The following COL26A1 variants were observed in gnomAD, a reference collection of about 807,000 sequenced individuals.
COL26A1 encodes collagen alpha-1(XXVI) chain.
A neutral mutation model predicts 59.3 loss-of-function variants in COL26A1; 41 were observed. That is an observed-to-expected ratio of 0.69 (90% CI 0.54 to 0.90). The LOEUF (loss-of-function observed/expected upper bound fraction) is 0.90, where lower values mean the gene tolerates loss of function less well. Ranked by LOEUF, COL26A1 falls within the 40% of genes least tolerant of loss-of-function variation. COL26A1 has a pLI of 0.00. For synonymous variants in COL26A1, 266 were observed against 256.0 expected, an observed-to-expected ratio of 1.04 and a Z score of -0.37; for missense variants, 612 against 602.3, an observed-to-expected ratio of 1.02 and a Z score of -0.17.
chr7:101,421,611 A>G (rs1373436541), intron 2 of COL26A1, among the ~76,000 whole-genome samples: 2 of 151,448 alleles, frequency 1.3e-5, no homozygotes, highest in Admixed American at 6.6e-5. Context: ...GGAGGTGGAG[A>G]TTGCAGTAAA....
intron 3 of COL26A1, among the ~76,000 whole-genome samples, chr7:101,449,702 T>TAC (rs1489410484): frequency 3.3e-5 from 5 of 152,208 alleles, no homozygotes; most frequent in South Asian, 2.1e-4. Flanking sequence ...TATGTGTGTA[T>TAC]ACACACACAC....
chr7:101,431,990 G>A (rs113211196), intron 2 of COL26A1, among the ~76,000 whole-genome samples: 17,938 of 141,028 alleles, frequency 0.13, 2,232 homozygotes, highest in African/African-American at 0.33. Context: ...TTTTGGAGAC[G>A]AAGTTTTGCT....
At chr7:101,489,677 C>CTT (rs1563007443) in intron 3 of COL26A1, among the ~76,000 whole-genome samples, 1 of 41,748 alleles carries the variant, frequency 2.4e-5, no homozygotes, top group African/African-American at 3.1e-4. Flanking sequence ...TCCTTCCTTC[C>CTT]TTCCTTTCTT....
At chr7:101,368,886 A>G (rs1297129715) in intron 1 of COL26A1, among the ~76,000 whole-genome samples, 4 of 129,926 alleles carry the variant, frequency 3.1e-5, no homozygotes, top group Non-Finnish European at 4.7e-5. Context: ...ATTTGTAGGT[A>G]GAAAAAACTC....
chr7:101,440,666 G>A (rs1400488028), intron 2 of COL26A1, among the ~76,000 whole-genome samples: 1 of 152,068 alleles, frequency 6.6e-6, no homozygotes, highest in African/African-American at 2.4e-5. Flanking sequence ...TTCAGAATGA[G>A]GGGCCAAGAA....
chr7:101,482,603 G>A (rs1794180737), intron 3 of COL26A1, among the ~76,000 whole-genome samples: 1 of 152,192 alleles, frequency 6.6e-6, no homozygotes, highest in Admixed American at 6.5e-5. Flanking sequence ...GGTTTTAGCA[G>A]GTTAGCCCAG....
chr7:101,377,448 A>G (rs1791345258), intron 1 of COL26A1, among the ~76,000 whole-genome samples: 1 of 152,016 alleles, frequency 6.6e-6, no homozygotes, highest in Non-Finnish European at 1.5e-5. Flanking sequence ...TTTTGGAGCC[A>G]GGGTCTCACT....
chr7:101,377,697 A>C (rs753647064), intron 1 of COL26A1, among the ~76,000 whole-genome samples: 1 of 152,038 alleles, frequency 6.6e-6, no homozygotes, highest in African/African-American at 2.4e-5. Flanking sequence ...AAAGTGCTGG[A>C]ATTACAGGTA....
intron 3 of COL26A1, among the ~76,000 whole-genome samples, chr7:101,482,179 G>C (rs1794170708): frequency 6.6e-6 from 1 of 152,036 alleles, no homozygotes; most frequent in Non-Finnish European, 1.5e-5. Context: ...GCTAATTTTT[G>C]TATTTTTTAG....
At chr7:101,407,215 C>T (rs1451381214) in intron 1 of COL26A1, among the ~76,000 whole-genome samples, 1 of 152,186 alleles carries the variant, frequency 6.6e-6, no homozygotes, top group Non-Finnish European at 1.5e-5. Context: ...AATGCTCTGA[C>T]CTGACTCCAT....
In COL26A1 at chr7:101,363,092, C is replaced by T. The variant is rs1340495440; in HGVS notation, c.60C>T (p.Ala20=). 3.8e-6 allele frequency: 6 copies of T among 1,571,694 alleles called. No homozygotes were observed. The highest frequency in any genetic ancestry group is 4.7e-5 in the East Asian group (2 of 42,540). The stretch of plus-strand genomic sequence containing the variant: ...GCTGCCTCTGCGGGTCGGCGCTGGC[C>T]ACCGGCTTCCTCTATCCCTTCTCGG... ...ACCCLCGSAL[A]TGFLYPFSAA... is the part of the protein sequence containing the mutation. Residue 20 remains alanine, a synonymous_variant, in exon 1 of 13, where the codon GCC becomes GCT. Coordinates refer to ENST00000313669, the MANE Select transcript of COL26A1 (RefSeq NM_001278563.3).
chr7:101,510,334 G>A (rs1245112178), intron 3 of COL26A1, among the ~76,000 whole-genome samples: 1 of 151,282 alleles, frequency 6.6e-6, no homozygotes, highest in Non-Finnish European at 1.5e-5. Context: ...CCTCTCAGAG[G>A]AGCCTTTTAA....
rs1430761724 is a variant in COL26A1, at chr7:101,558,039, C to G, written c.*509C>G. 1 of 152,408 alleles carries G rather than the reference C, an allele frequency of 6.6e-6. No homozygotes were observed. The highest frequency in any genetic ancestry group is 1.5e-5 in the Non-Finnish European group (1 of 68,146). 9.4% of individuals were successfully genotyped at this position (152,408 alleles called of 1,614,324 possible). A position where few individuals can be genotyped will look rare whatever the true frequency, so the allele number is the denominator to read the frequency against. On this transcript the variant is annotated 3_prime_UTR_variant, in exon 13 of 13. Coordinates refer to ENST00000313669, the MANE Select transcript of COL26A1 (RefSeq NM_001278563.3). ...TTCCTGAAGCCATGTTCTCTCGACC[C>G]TGCCAGCTTCCCCTCTTCGAGAGAA...
chr7:101,540,953 G>A (rs1314750323), intron 5 of COL26A1, among the ~76,000 whole-genome samples: 1 of 152,168 alleles, frequency 6.6e-6, no homozygotes, highest in Non-Finnish European at 1.5e-5. Context: ...ACCAGCCTGG[G>A]CAACATAGTG....
chr7:101,439,235 G>T (rs1034543181), intron 2 of COL26A1, among the ~76,000 whole-genome samples: 1 of 151,916 alleles, frequency 6.6e-6, no homozygotes, highest in Non-Finnish European at 1.5e-5. Flanking sequence ...CTAGTCAGTC[G>T]ATTGATAGTG....
chr7:101,389,631 C>T (rs529534810), intron 1 of COL26A1, among the ~76,000 whole-genome samples: 10 of 152,158 alleles, frequency 6.6e-5, no homozygotes, highest in African/African-American at 1.7e-4. Context: ...TCTTGGCTCA[C>T]GGCAACCTCT....
intron 2 of COL26A1, among the ~76,000 whole-genome samples, chr7:101,426,116 C>T (rs896551956): frequency 3.3e-5 from 5 of 152,072 alleles, no homozygotes; most frequent in Admixed American, 1.3e-4. Flanking sequence ...TGAGCTGCTG[C>T]GTCAGGCCAG....
intron 1 of COL26A1, among the ~76,000 whole-genome samples, chr7:101,413,879 T>C (rs1475207572): frequency 6.6e-6 from 1 of 152,180 alleles, no homozygotes; most frequent in East Asian, 1.9e-4. Flanking sequence ...GCTAAGCACC[T>C]TTCTGGGTGC....
intron 1 of COL26A1, among the ~76,000 whole-genome samples, chr7:101,387,774 A>ATTTTTTTTTTTTTTTTTTTTT (rs1185449488): frequency 6.1e-5 from 3 of 48,900 alleles, no homozygotes; most frequent in Admixed American, 2.5e-4. Context: ...ATATATATAT[A>ATTTTTTTTTTTTTTTTTTTTT]TATATTTTTT....
Sources: allele counts gnomAD v4.1 joint callset (sites outside exome capture counted in the v4.1 genomes callset), GRCh38; gene constraint gnomAD v4.1.1; transcripts MANE v1.5; gene names NCBI Gene and HGNC (gene_info 2026-07-23, HGNC 2026-07-21).